The following ADAP1 variants were observed in gnomAD, a reference collection of about 807,000 sequenced individuals.
ADAP1 encodes ArfGAP with dual PH domains 1.
ADAP1 carries 31 observed loss-of-function variants against 54.9 expected under a neutral mutation model. The observed-to-expected ratio is 0.56, with a 90% confidence interval of 0.42 to 0.76. The LOEUF is 0.76. Among genes scored for constraint, ADAP1 ranks in the 30% least tolerant of loss-of-function variants. The pLI is 0.00. For synonymous variants in ADAP1, 313 were observed against 202.6 expected (o/e 1.55, Z -4.63); for missense variants, 535 against 512.4 (o/e 1.04, Z -0.42).
Position 919,228 on chromosome 7 carries a change from A to G in ADAP1, c.388+740T>C, listed in dbSNP as rs575055228. Among the ~76,000 whole-genome samples, 4 of 152,328 alleles carry G rather than the reference A, an allele frequency of 2.6e-5. No individual in the cohort carries two copies. The East Asian group carries it at 7.7e-4, about 29-fold the overall frequency. The stretch of plus-strand genomic sequence containing the variant: ...CACCTGCAGCACAGTGTTGCCACAC[A>G]GAGGACGCCCTCACGCCCCTCACCC... On this transcript the variant is annotated intron_variant, in intron 4 of 10. Coordinates refer to ENST00000265846, the MANE Select transcript of ADAP1 (RefSeq NM_006869.4).
chr7:899,126 G>C lies in ADAP1; in HGVS notation c.1003C>G (p.Leu335Val), dbSNP rs1284002751. Residue 335 changes from leucine (L) to valine (V), a missense_variant, in exon 10 of 11, where the codon CTG (leucine) becomes GTG (valine). Transcript: ENST00000265846. ...ITIVTPDRKF[L>V]FACETESDQR... ...TCGGACTCCGTCTCGCAGGCAAACAGAAACTTGCGGTCGGGCGTGACGATG... is the reference window on the plus strand; with the variant it reads ...TCGGACTCCGTCTCGCAGGCAAACACAAACTTGCGGTCGGGCGTGACGATG... The C allele has an allele frequency of 6.8e-6, 11 of 1,609,592 alleles. No homozygotes were observed.
intron 2 of ADAP1, chr7:927,053 C>T (rs953055808): frequency 3.1e-5 from 39 of 1,278,584 alleles, no homozygotes; most frequent in Non-Finnish European, 3.8e-5. Flanking sequence ...CTCCCCAGCT[C>T]ACATTTAGCA....
chr7:920,169 G>T lies in ADAP1; in HGVS notation c.306-119C>A. ...GCTCATAGGGACCCCCGGCAGACTCGAGCCGCCCCTCTGGGCACAAGATCC... is the reference window on the plus strand; with the variant it reads ...GCTCATAGGGACCCCCGGCAGACTCTAGCCGCCCCTCTGGGCACAAGATCC... On this transcript the variant is annotated intron_variant, in intron 3 of 10. Coordinates refer to ENST00000265846, the MANE Select transcript of ADAP1 (RefSeq NM_006869.4). The surrounding 1 kb of genome is among the most constrained non-coding windows in gnomAD (Gnocchi z 4.5). 2 of 808,354 alleles carry T rather than the reference G, an allele frequency of 2.5e-6. No individual in the cohort carries two copies. The highest frequency in any genetic ancestry group is 1.9e-6 in the Non-Finnish European group (1 of 513,706). 50.1% of individuals were successfully genotyped at this position (808,354 alleles called of 1,614,324 possible).
intron 3 of ADAP1, among the ~76,000 whole-genome samples, chr7:923,956 C>T (rs182397890): frequency 5.3e-5 from 8 of 152,154 alleles, no homozygotes; most frequent in African/African-American, 1.9e-4. Flanking sequence ...CCAGGCTGGA[C>T]GTTTGGGCCC....
chr7:950,728 G>T (rs1429122642), intron 1 of ADAP1, among the ~76,000 whole-genome samples: 1 of 151,438 alleles, frequency 6.6e-6, no homozygotes, highest in African/African-American at 2.4e-5. Context: ...GTGGTGGCAG[G>T]CGCCTGTAAT....
intron 4 of ADAP1, 67 bp from the exon 5 acceptor site, chr7:905,239 T>TGGACAGGACAGAGG (rs1380189168): frequency 9.2e-7 from 1 of 1,091,048 alleles, no homozygotes; most frequent in Non-Finnish European, 1.3e-6. Flanking sequence ...GGAGTGACGA[T>TGGACAGGACAGAGG]GGACAGGACA....
At chr7:928,425 C>CT (rs1278103317) in intron 2 of ADAP1, among the ~76,000 whole-genome samples, 1 of 152,136 alleles carries the variant, frequency 6.6e-6, no homozygotes, top group African/African-American at 2.4e-5. Flanking sequence ...TTTAAAATTA[C>CT]TTTTACATGC....
At chr7:913,829 G>A (rs1220530754) in intron 4 of ADAP1, among the ~76,000 whole-genome samples, 1 of 152,186 alleles carries the variant, frequency 6.6e-6, no homozygotes, top group African/African-American at 2.4e-5. Context: ...CAGCTACTCA[G>A]GATGCTGAGG....
chr7:942,046 A>G (rs1253916620), intron 1 of ADAP1, among the ~76,000 whole-genome samples: 1 of 152,236 alleles, frequency 6.6e-6, no homozygotes, highest in Non-Finnish European at 1.5e-5. Context: ...TTCTGGAGAG[A>G]GCGAACAATC....
At position 926,743 on chromosome 7, in the gene ADAP1, C is replaced by T; in HGVS notation, c.214-99G>A. 1 of 1,000,072 alleles carries T rather than the reference C, an allele frequency of 1.0e-6. No individual in the cohort carries two copies. Among genetic ancestry groups the T allele is most frequent in the Non-Finnish European group, 1.4e-6 (1 of 703,994 alleles). The allele number at this position is 1,000,072 out of a possible 1,614,324, so 61.9% of individuals were successfully genotyped here. On this transcript the variant is annotated intron_variant, in intron 2 of 10. Transcript: ENST00000265846. This position sits in a 1 kb window ranked among gnomAD's most constrained non-coding sequence, Gnocchi z 4.6. The stretch of plus-strand genomic sequence containing the variant: ...GGCCGTCACCACAGTGACCCGCAGA[C>T]CCAAGGCTCTGAGGGCTCCACCAGC...
intron 2 of ADAP1, among the ~76,000 whole-genome samples, chr7:932,852 C>T (rs930253302): frequency 3.9e-5 from 6 of 152,202 alleles, no homozygotes; most frequent in Non-Finnish European, 5.9e-5. Context: ...TGGGGGATCA[C>T]GGCATTAAGT....
At chr7:950,338 TA>T (rs1847236354) in intron 1 of ADAP1, among the ~76,000 whole-genome samples, 1 of 151,712 alleles carries the variant, frequency 6.6e-6, no homozygotes, top group Non-Finnish European at 1.5e-5. Context: ...ACAGAAAACT[TA>T]GCCGGGCATG....
At chr7:919,180 G>A (rs566109190) in intron 4 of ADAP1, among the ~76,000 whole-genome samples, 2 of 86,702 alleles carry the variant, frequency 2.3e-5, no homozygotes, top group East Asian at 3.2e-4. Flanking sequence ...GGTGGAGGCC[G>A]CAGGCCGGGG....
At chr7:903,965 C>T (rs888319422) in intron 6 of ADAP1, 161 bp downstream of exon 6, 21 of 931,988 alleles carry the variant, frequency 2.3e-5, no homozygotes, top group Non-Finnish European at 3.2e-5. Flanking sequence ...GTCCAAGCAC[C>T]CGCCTTCCCA....
chr7:947,002 T>G (rs1407216625), intron 1 of ADAP1, among the ~76,000 whole-genome samples: 1 of 152,144 alleles, frequency 6.6e-6, no homozygotes, highest in Non-Finnish European at 1.5e-5. Flanking sequence ...AAAAGGTTAA[T>G]TTTTCATATG....
rs1411168232 is a variant in ADAP1 at position 920,458 on chromosome 7, G to C, written c.306-408C>G. ...CTCCCCGACCCTCCCCACCTCGTTG[G>C]ACCGGATCTGGGAAGTGGCCGCGGC... On this transcript the variant is annotated intron_variant, in intron 3 of 10. Coordinates refer to ENST00000265846, the MANE Select transcript of ADAP1 (RefSeq NM_006869.4). The surrounding 1 kb of genome is among the most constrained non-coding windows in gnomAD (Gnocchi z 4.5). Among the ~76,000 whole-genome samples, 1 of 150,926 alleles carries C rather than the reference G, an allele frequency of 6.6e-6. No homozygotes were observed. The highest frequency in any genetic ancestry group is 6.6e-5 in the Admixed American group (1 of 15,162).
Position 912,326 on chromosome 7 carries a change from G to A in ADAP1, c.389-7154C>T, listed in dbSNP as rs536135968. Among the ~76,000 whole-genome samples the A allele has an allele frequency of 1.4e-4, 21 of 152,314 alleles. No individual in the cohort carries two copies. In the East Asian group the frequency reaches 1.9e-3, roughly 14 times the overall value. On this transcript the variant is annotated intron_variant, in intron 4 of 10. Coordinates refer to ENST00000265846, the MANE Select transcript of ADAP1 (RefSeq NM_006869.4). The stretch of plus-strand genomic sequence containing the variant: ...CTGTGAAAGCCGCCATTGAGGCTGC[G>A]GCCCGAGGCGGGGCCAGCCCGCGGT...
chr7:918,917 TGGGGA>T (rs1846044495), intron 4 of ADAP1, among the ~76,000 whole-genome samples: 2 of 40,336 alleles, frequency 5.0e-5, no homozygotes, highest in Non-Finnish European at 8.5e-5. Context: ...AAGCAGGAGT[TGGGGA>T]CTGCTGGGGG....
In ADAP1 at chr7:920,105, C is replaced by T; in HGVS notation, c.306-55G>A. ...GGCCAAGGCGGCCTCCGACCCAGCA[C>T]ACGCCGCTCTCTGGCCCGGACCCTG... is the stretch of plus-strand genomic sequence containing the variant. On this transcript the variant is annotated intron_variant, in intron 3 of 10. Transcript: ENST00000265846. The surrounding 1 kb of genome is among the most constrained non-coding windows in gnomAD (Gnocchi z 4.5). 11 of 1,533,450 alleles carry T rather than the reference C, an allele frequency of 7.2e-6. No homozygotes were observed. The highest frequency in any genetic ancestry group is 9.8e-6 in the Non-Finnish European group (11 of 1,124,846). The allele number at this position is 1,533,450 out of a possible 1,614,324, so 95.0% of individuals were successfully genotyped here.
Sources: allele counts gnomAD v4.1 joint callset (sites outside exome capture counted in the v4.1 genomes callset), GRCh38; gene constraint gnomAD v4.1.1; non-coding constraint Gnocchi (gnomAD v3.1); transcripts MANE v1.5; gene names NCBI Gene and HGNC (gene_info 2026-07-23, HGNC 2026-07-21).